Variants in FAM107B observed in about 807,000 individuals in gnomAD.
The protein encoded by FAM107B is protein FAM107B.
In FAM107B, 21 loss-of-function variants were observed where a neutral mutation model predicts 31.5. The observed-to-expected ratio is 0.67, with a 90% CI of 0.47 to 0.96. The LOEUF is 0.96. Ranked by LOEUF, FAM107B falls within the 40% of genes least tolerant of loss-of-function variation. The pLI is 0.00. For missense variants in FAM107B, 452 were observed against 377.1 expected, an observed-to-expected ratio of 1.20 and a Z score of -1.64; for synonymous variants, 157 against 141.5, an observed-to-expected ratio of 1.11 and a Z score of -0.78.
At chr10:14,579,891 A>T (rs1851579885) in intron 2 of FAM107B, among the ~76,000 whole-genome samples, 1 of 152,060 alleles carries the variant, frequency 6.6e-6, no homozygotes, top group African/African-American at 2.4e-5. Context: ...GCATGATGGC[A>T]GGCACCTGCA....
intron 1 of FAM107B, among the ~76,000 whole-genome samples, chr10:14,678,738 G>T (rs1854752297): frequency 6.6e-6 from 1 of 152,186 alleles, no homozygotes; most frequent in South Asian, 2.1e-4. Flanking sequence ...AAGAGAATTT[G>T]ACTAGCATGT....
At chr10:14,582,682 A>T (rs1244943938) in intron 2 of FAM107B, among the ~76,000 whole-genome samples, 5 of 150,736 alleles carry the variant, frequency 3.3e-5, no homozygotes, top group African/African-American at 2.4e-5. Context: ...CAGCCTACCC[A>T]CATGTTTTAA....
At chr10:14,663,600 A>T (rs1477903229) in intron 2 of FAM107B, 1 of 152,208 alleles carries the variant, frequency 6.6e-6, no homozygotes, top group East Asian at 1.9e-4. Context: ...AAGTTCTTAT[A>T]AATGGGCTAA....
chr10:14,722,475 T>C (rs75353921), intron 1 of FAM107B, among the ~76,000 whole-genome samples: 3,988 of 152,346 alleles, frequency 0.026, 97 homozygotes, highest in Non-Finnish European at 0.039. Flanking sequence ...TGCATCCTTG[T>C]CAACATTTGT....
intron 2 of FAM107B, among the ~76,000 whole-genome samples, chr10:14,573,414 C>G (rs1369644433): frequency 1.3e-5 from 2 of 151,986 alleles, no homozygotes; most frequent in Admixed American, 6.6e-5. Flanking sequence ...TTGGACTTCC[C>G]AGTCTCCAGA....
At chr10:14,759,155 G>A (rs951031502) in intron 1 of FAM107B, among the ~76,000 whole-genome samples, 7 of 150,866 alleles carry the variant, frequency 4.6e-5, no homozygotes, top group Non-Finnish European at 7.4e-5. Flanking sequence ...TCCAGCCTGG[G>A]CAACAAGAGT....
At chr10:14,662,966 C>A (rs919224444) in intron 2 of FAM107B, among the ~76,000 whole-genome samples, 3 of 152,196 alleles carry the variant, frequency 2.0e-5, no homozygotes, top group South Asian at 2.1e-4. Flanking sequence ...CAGCTGCCAG[C>A]ATGGCTAGAA....
intron 2 of FAM107B, among the ~76,000 whole-genome samples, chr10:14,658,637 G>A (rs11259248): frequency 0.027 from 4,188 of 152,306 alleles, 68 homozygotes; most frequent in Non-Finnish European, 0.04. Flanking sequence ...AGAAAAAGAC[G>A]CAATTCCAGT....
At chr10:14,533,717 T>C (rs1355118806) in intron 2 of FAM107B, among the ~76,000 whole-genome samples, 1 of 152,248 alleles carries the variant, frequency 6.6e-6, no homozygotes, top group African/African-American at 2.4e-5. Context: ...ACTTGGGCCT[T>C]GTTGCCAGGA....
intron 1 of FAM107B, among the ~76,000 whole-genome samples, chr10:14,730,495 T>C (rs939197629): frequency 9.2e-5 from 14 of 152,178 alleles, no homozygotes; most frequent in African/African-American, 3.4e-4. Context: ...AGGTAGAGAA[T>C]ATGATGTGTC....
At chr10:14,712,956 C>T (rs541120658) in intron 1 of FAM107B, among the ~76,000 whole-genome samples, 1 of 152,064 alleles carries the variant, frequency 6.6e-6, no homozygotes, top group African/African-American at 2.4e-5. Flanking sequence ...CCTTCCTGGA[C>T]CCTCTTCCTA....
At chr10:14,555,075 CTTTG>C (rs968142709) in intron 2 of FAM107B, among the ~76,000 whole-genome samples, 6 of 152,172 alleles carry the variant, frequency 3.9e-5, no homozygotes, top group African/African-American at 1.4e-4. Flanking sequence ...CAGTTGAGCT[CTTTG>C]TTTTACATTA....
chr10:14,722,397 A>G (rs1855932051), intron 1 of FAM107B, among the ~76,000 whole-genome samples: 2 of 152,198 alleles, frequency 1.3e-5, no homozygotes, highest in African/African-American at 2.4e-5. Context: ...GCCAAACAAT[A>G]TTCCATTGTA....
intron 1 of FAM107B, among the ~76,000 whole-genome samples, chr10:14,756,965 A>C (rs1447544827): frequency 6.6e-6 from 1 of 152,180 alleles, no homozygotes; most frequent in African/African-American, 2.4e-5. Context: ...AATGATGAGA[A>C]CACATAGACA....
At chr10:14,613,897 G>A (rs1027967124) in intron 2 of FAM107B, among the ~76,000 whole-genome samples, 2 of 152,276 alleles carry the variant, frequency 1.3e-5, no homozygotes, top group African/African-American at 2.4e-5. Flanking sequence ...TTGGGAGGCC[G>A]AGGAGGGCAG....
At chr10:14,595,159 C>A (rs1206955527) in intron 2 of FAM107B, among the ~76,000 whole-genome samples, 1 of 152,072 alleles carries the variant, frequency 6.6e-6, no homozygotes, top group Non-Finnish European at 1.5e-5. Flanking sequence ...AGGCTGCCCA[C>A]CCTTATAAAG....
chr10:14,578,890 G>A (rs1416504878), intron 2 of FAM107B, among the ~76,000 whole-genome samples: 2 of 152,072 alleles, frequency 1.3e-5, no homozygotes, highest in African/African-American at 4.8e-5. Context: ...ACTACCCCAA[G>A]TACTGATTAC....
intron 2 of FAM107B, among the ~76,000 whole-genome samples, chr10:14,662,270 A>G (rs567034866): frequency 6.6e-6 from 1 of 152,244 alleles, no homozygotes; most frequent in African/African-American, 2.4e-5. Flanking sequence ...GTCTTCATTG[A>G]CTGCTCCCAT....
intron 3 of FAM107B, chr10:14,527,821 T>G (rs1241155764): frequency 4.4e-6 from 1 of 224,964 alleles, no homozygotes; most frequent in Non-Finnish European, 9.0e-6. Flanking sequence ...GCACTAAAAT[T>G]TAGAAATAAA....
Sources: allele counts gnomAD v4.1 joint callset (sites outside exome capture counted in the v4.1 genomes callset), GRCh38; gene constraint gnomAD v4.1.1; transcripts MANE v1.5; gene names NCBI Gene and HGNC (gene_info 2026-07-23, HGNC 2026-07-21).